Variants in ACSL3 observed in about 807,000 individuals in gnomAD.
The protein encoded by ACSL3 is acyl-CoA synthetase long chain family member 3, also known as fatty acid CoA ligase Acsl3.
In ACSL3, 34 loss-of-function variants were observed where a neutral mutation model predicts 84.7. That is an observed-to-expected ratio of 0.40 (90% confidence interval 0.31 to 0.53). The LOEUF (loss-of-function observed/expected upper bound fraction) is 0.53. ACSL3 is among the 20% of genes least tolerant of loss of function. The probability of loss-of-function intolerance (pLI) is 0.48; values close to 1 mark genes in which losing one functional copy is unlikely to be tolerated. For synonymous variants in ACSL3, 315 were observed against 299.4 expected (o/e 1.05, Z -0.54); for missense variants, 680 against 873.1 (o/e 0.78, Z 2.79).
At chr2:222,931,941 C>A (rs557701730) in intron 14 of ACSL3, among the ~76,000 whole-genome samples, 1 of 152,244 alleles carries the variant, frequency 6.6e-6, no homozygotes, top group African/African-American at 2.4e-5. Context: ...ATCCCAGCTA[C>A]TCGGGAGGCT....
At chr2:222,917,984 AGAGACTTTACATTT>A (rs1696630005) in intron 5 of ACSL3, 48 bp from the exon 6 acceptor site, 7 of 1,219,650 alleles carry the variant, frequency 5.7e-6, no homozygotes, top group Non-Finnish European at 6.0e-6. Context: ...CTCCACATTC[AGAGACTTTACATTT>A]GTAGTTAAAT....
At chr2:222,926,878 T>G (rs145644810) in intron 11 of ACSL3, 139 bp from the exon 12 acceptor site, 1 of 824,710 alleles carries the variant, frequency 1.2e-6, no homozygotes, top group East Asian at 2.7e-5. Context: ...CTCAAGAGAC[T>G]CTCCAAATTG....
At chr2:222,869,828 A>G (rs1274928078) in intron 1 of ACSL3, among the ~76,000 whole-genome samples, 4 of 152,308 alleles carry the variant, frequency 2.6e-5, no homozygotes, top group South Asian at 4.1e-4. Flanking sequence ...ATCACATCCC[A>G]TGGGGAAGAA....
intron 2 of ACSL3, among the ~76,000 whole-genome samples, chr2:222,892,066 C>T (rs578006889): frequency 6.6e-5 from 10 of 152,246 alleles, no homozygotes; most frequent in African/African-American, 2.2e-4. Context: ...GTAGTCATTG[C>T]GATGTCATAC....
At chr2:222,900,986 A>G (rs528933012) in intron 3 of ACSL3, among the ~76,000 whole-genome samples, 1 of 152,274 alleles carries the variant, frequency 6.6e-6, no homozygotes, top group Admixed American at 6.5e-5. Flanking sequence ...TGCTTGAACA[A>G]AAGACAAACT....
Position 222,941,846 on chromosome 2 carries a change from A to T in ACSL3, c.*192A>T. On this transcript the variant is annotated 3_prime_UTR_variant, in exon 17 of 17. Coordinates refer to ENST00000357430, the MANE Select transcript of ACSL3 (RefSeq NM_004457.5). ...CAAACTTGTGTCTGTCTCTTCTTTC[A>T]TTTTCCCCGCCACCAACTTACTTTA... 1.8e-6 allele frequency: 1 copy of T among 547,192 alleles called. No homozygotes were observed. Among genetic ancestry groups the T allele is most frequent in the Non-Finnish European group, 3.0e-6 (1 of 338,602 alleles). 33.9% of individuals were successfully genotyped at this position (547,192 alleles called of 1,614,324 possible). A position where few individuals can be genotyped will look rare whatever the true frequency, so the allele number is the denominator to read the frequency against.
At chr2:222,923,898 T>G (rs1157980978) in intron 10 of ACSL3, among the ~76,000 whole-genome samples, 1 of 152,188 alleles carries the variant, frequency 6.6e-6, no homozygotes, top group Non-Finnish European at 1.5e-5. Context: ...TTTTAAGTCA[T>G]TAAAGTATAC....
rs1313574121 is a variant in ACSL3, at chr2:222,896,514, C to T, written c.-147-4160C>T. On this transcript the variant is annotated intron_variant, in intron 2 of 16. Transcript: ENST00000357430. ...CTCCCTCCCGGACGGGGCGGCTGGCCGGGCGAGGGGCTGACCCCCCACCTC... is the reference window on the plus strand; with the variant it reads ...CTCCCTCCCGGACGGGGCGGCTGGCTGGGCGAGGGGCTGACCCCCCACCTC... Among the ~76,000 whole-genome samples, 4 of 12,444 alleles carry T rather than the reference C, an allele frequency of 3.2e-4. 2 individuals carry two copies. Among genetic ancestry groups the T allele is most frequent in the Non-Finnish European group, 5.3e-4 (4 of 7,612 alleles). The allele number at this position is 12,444 out of a possible 152,430, so 8.2% of individuals were successfully genotyped here.
chr2:222,927,335 T>TA, intron 12 of ACSL3, 146 bp downstream of exon 12: 1 of 782,058 alleles, frequency 1.3e-6, no homozygotes, highest in East Asian at 2.8e-5. Flanking sequence ...TGATCATTGA[T>TA]ATCAATTTTT....
rs892442213 is a variant in ACSL3, at chr2:222,928,763, C to G, written c.1466-99C>G. On this transcript the variant is annotated intron_variant, in intron 12 of 16. Transcript: ENST00000357430. ...GCTTTTAAGGAATAGCTGGGGATAC[C>G]TCAGCCTTAGGATAAATAATCATTT... 2.9e-6 allele frequency: 3 copies of G among 1,036,494 alleles called. No homozygotes were observed. In the African/African-American group the frequency reaches 4.8e-5, roughly 17 times the overall value. 64.2% of individuals were successfully genotyped at this position (1,036,494 alleles called of 1,614,324 possible).
chr2:222,868,786 A>G lies in ACSL3; in HGVS notation c.-207+7528A>G, dbSNP rs1574513219. On this transcript the variant is annotated intron_variant, in intron 1 of 16. Coordinates refer to ENST00000357430, the MANE Select transcript of ACSL3 (RefSeq NM_004457.5). ...ATGTGGCATGAGTCCAGCCTGGCCA[A>G]TGTGGTGAAATCCCGTCTCTACTAA... Among the ~76,000 whole-genome samples, 5 of 152,192 alleles carry G rather than the reference A, an allele frequency of 3.3e-5. No homozygotes were observed. The South Asian group carries it at 8.3e-4, about 25-fold the overall frequency.
At chr2:222,888,414 G>A (rs1163690323) in intron 2 of ACSL3, among the ~76,000 whole-genome samples, 2 of 152,150 alleles carry the variant, frequency 1.3e-5, no homozygotes, top group African/African-American at 2.4e-5. Context: ...ATTTAAGGAC[G>A]AAGGTTTTTA....
At chr2:222,930,471 T>A (rs1412533639) in intron 13 of ACSL3, 150 bp from the exon 14 acceptor site, 7 of 562,964 alleles carry the variant, frequency 1.2e-5, no homozygotes, top group Non-Finnish European at 1.4e-5. Context: ...ACTGTTAAAT[T>A]GATAAACTTT....
In ACSL3 at chr2:222,909,131, A is replaced by G; in HGVS notation, c.359A>G (p.Asn120Ser). ...AATGAGGAAGATGAAGTACAACCAA[A>G]TGGAAAAATTTTTAAAAAGGTAAGA... is the stretch of plus-strand genomic sequence containing the variant. ...VLNEEDEVQP[N>S]GKIFKKVILG... The change falls in exon 4 of 17, where the codon AAT (asparagine) becomes AGT (serine). Residue 120 changes from asparagine to serine, a missense_variant. Physicochemically the swap from Asn to Ser is conservative, Grantham distance 46 (BLOSUM62 1). Around this residue, in one of 2 missense-constraint regions of ACSL3, gnomAD observed 333 missense variants for 347.5 expected, o/e 0.96. Coordinates refer to ENST00000357430, the MANE Select transcript of ACSL3 (RefSeq NM_004457.5). The G allele has an allele frequency of 1.3e-6, 2 of 1,594,944 alleles. No individual in the cohort carries two copies. The highest frequency in any genetic ancestry group is 1.7e-6 in the Non-Finnish European group (2 of 1,175,602).
Position 222,944,242 on chromosome 2 carries a change from T to C in ACSL3, c.*2588T>C, listed in dbSNP as rs933829320. On this transcript the variant is annotated 3_prime_UTR_variant, in exon 17 of 17. Coordinates refer to ENST00000357430, the MANE Select transcript of ACSL3 (RefSeq NM_004457.5). Reference sequence around the variant, plus strand: ...TTTTCAGCAACGTTTAAAAATAGATTAACCTGGAATAACTTACTTGTTTGC... The same window carrying C: ...TTTTCAGCAACGTTTAAAAATAGATCAACCTGGAATAACTTACTTGTTTGC... 1 of 152,154 alleles carries C rather than the reference T, an allele frequency of 6.6e-6. No homozygotes were observed. Among genetic ancestry groups the C allele is most frequent in the African/African-American group, 2.4e-5 (1 of 41,436 alleles). The allele number at this position is 152,154 out of a possible 1,614,324, so 9.4% of individuals were successfully genotyped here.
At chr2:222,939,771 G>A (rs1481247904) in intron 16 of ACSL3, among the ~76,000 whole-genome samples, 1 of 152,106 alleles carries the variant, frequency 6.6e-6, no homozygotes, top group African/African-American at 2.4e-5. Context: ...TTCTTACACA[G>A]GCAATAAATA....
At chr2:222,931,264 C>T (rs1445010229) in intron 14 of ACSL3, among the ~76,000 whole-genome samples, 3 of 151,698 alleles carry the variant, frequency 2.0e-5, no homozygotes, top group African/African-American at 7.3e-5. Flanking sequence ...TTCAGTTAGC[C>T]GTGTGTGGTG....
At chr2:222,924,335 C>A in intron 10 of ACSL3, 121 bp from the exon 11 acceptor site, 1 of 838,054 alleles carries the variant, frequency 1.2e-6, no homozygotes, top group Non-Finnish European at 1.7e-6. Flanking sequence ...ATCACATCCA[C>A]AGTTGAAGAG....
chr2:222,865,794 C>CTGTGTG (rs3219912), intron 1 of ACSL3, among the ~76,000 whole-genome samples: 3,461 of 150,076 alleles, frequency 0.023, 50 homozygotes, highest in Middle Eastern at 0.048. Context: ...TTTGGATCCT[C>CTGTGTG]TGTGTGTGTG....
Sources: gnomAD v4.1 joint callset for allele counts (sites outside exome capture counted in the v4.1 genomes callset) on GRCh38, gnomAD v4.1.1 for gene constraint, gnomAD v4.1.1 regional missense constraint, MANE v1.5 for transcripts, NCBI Gene and HGNC (gene_info 2026-07-23, HGNC 2026-07-21) for gene names.